Variants in ARHGEF3 observed in about 807,000 individuals in gnomAD.
ARHGEF3 encodes Rho guanine nucleotide exchange factor 3, also known as 59.8 kDA protein.
A neutral mutation model predicts 63.2 loss-of-function variants in ARHGEF3; 28 were observed. The ratio of observed to expected loss-of-function variants is 0.44; its 90% CI spans 0.33 to 0.61. ARHGEF3 has a LOEUF of 0.61. Among genes scored for constraint, ARHGEF3 ranks in the 20% least tolerant of loss-of-function variants. ARHGEF3 has a pLI of 0.03. For missense variants in ARHGEF3, 533 were observed against 659.3 expected (o/e 0.81, Z 2.10); for synonymous variants, 266 against 254.2 (o/e 1.05, Z -0.44).
intron 1 of ARHGEF3, among the ~76,000 whole-genome samples, chr3:57,069,744 A>C (rs763663107): frequency 6.6e-6 from 1 of 152,194 alleles, no homozygotes; most frequent in Non-Finnish European, 1.5e-5. Flanking sequence ...AACGGGGCTC[A>C]AGCTATCCTC....
At chr3:57,074,169 G>A in intron 1 of ARHGEF3, 1 of 1,614,188 alleles carries the variant, frequency 6.2e-7, no homozygotes, top group Middle Eastern at 1.6e-4. Flanking sequence ...CAGTAGCACA[G>A]GGTGCAGCCG....
intron 4 of ARHGEF3, among the ~76,000 whole-genome samples, chr3:56,865,561 T>A (rs186038197): frequency 1.2e-3 from 188 of 152,356 alleles, no homozygotes; most frequent in African/African-American, 4.2e-3. Context: ...AATATGTTTT[T>A]AAAAGGTTTT....
chr3:56,728,856 A>C lies in ARHGEF3; in HGVS notation c.*414T>G, dbSNP rs1214164503. On this transcript the variant is annotated 3_prime_UTR_variant, in exon 10 of 10. Coordinates refer to ENST00000296315, the MANE Select transcript of ARHGEF3 (RefSeq NM_019555.3). ...ATGAGTTCCTCATGCCCTATTTACA[A>C]GGCCGTCTAAATTCCGTGCCTTTAG... is the stretch of plus-strand genomic sequence containing the variant. 5.6e-6 allele frequency: 1 copy of C among 179,686 alleles called. No homozygotes were observed. Among genetic ancestry groups the C allele is most frequent in the Non-Finnish European group, 1.2e-5 (1 of 83,542 alleles). 11.1% of individuals were successfully genotyped at this position (179,686 alleles called of 1,614,324 possible).
intron 1 of ARHGEF3, among the ~76,000 whole-genome samples, chr3:56,787,928 CA>C (rs2036905183): frequency 6.6e-6 from 1 of 152,174 alleles, no homozygotes; most frequent in South Asian, 2.1e-4. Flanking sequence ...ATTAACTCAG[CA>C]AGGCCTGGGT....
intron 2 of ARHGEF3, among the ~76,000 whole-genome samples, chr3:57,018,786 T>C (rs1001799991): frequency 5.3e-5 from 8 of 152,138 alleles, no homozygotes; most frequent in African/African-American, 1.9e-4. Context: ...ATCATCTCAT[T>C]AATCCCCACA....
intron 1 of ARHGEF3, among the ~76,000 whole-genome samples, chr3:57,065,946 T>C (rs980759462): frequency 1.3e-5 from 2 of 151,726 alleles, no homozygotes; most frequent in African/African-American, 4.8e-5. Flanking sequence ...CTGGGCACAG[T>C]AATTCACATC....
At chr3:56,828,179 T>C (rs1237299256) in intron 4 of ARHGEF3, among the ~76,000 whole-genome samples, 2 of 152,128 alleles carry the variant, frequency 1.3e-5, no homozygotes, top group Non-Finnish European at 2.9e-5. Flanking sequence ...GTGACTTGCT[T>C]ATCGTGGCAG....
chr3:56,961,709 C>T (rs574863658), intron 2 of ARHGEF3, among the ~76,000 whole-genome samples: 10 of 152,236 alleles, frequency 6.6e-5, no homozygotes, highest in African/African-American at 2.2e-4. Context: ...CATCCCACCA[C>T]CATTCAGGCT....
chr3:57,000,310 C>CCACACACACACACACACA (rs71076009), intron 2 of ARHGEF3, among the ~76,000 whole-genome samples: 7 of 139,264 alleles, frequency 5.0e-5, no homozygotes, highest in African/African-American at 8.2e-5. Flanking sequence ...AGGGTAACTC[C>CCACACACACACACACACA]CACACACACA....
chr3:56,927,389 C>T (rs1020751439), intron 3 of ARHGEF3, among the ~76,000 whole-genome samples: 1 of 152,160 alleles, frequency 6.6e-6, no homozygotes, highest in Non-Finnish European at 1.5e-5. Context: ...ATGGCTAGGG[C>T]ATTTCCAATA....
At chr3:56,802,025 G>A (rs942423890), upstream of ARHGEF3, 4 of 1,416,298 alleles carry the variant, frequency 2.8e-6, no homozygotes, top group East Asian at 1.1e-4. Flanking sequence ...CGCCGGCTCG[G>A]CACCGCCCCA....
chr3:57,002,609 A>C (rs1193265238), intron 2 of ARHGEF3, among the ~76,000 whole-genome samples: 5 of 144,136 alleles, frequency 3.5e-5, no homozygotes, highest in African/African-American at 1.0e-4. Context: ...ATATACTTTG[A>C]GTTCAGGGGT....
intron 4 of ARHGEF3, among the ~76,000 whole-genome samples, chr3:56,842,757 T>C (rs949427995): frequency 3.9e-5 from 6 of 152,144 alleles, no homozygotes; most frequent in Admixed American, 3.9e-4. Context: ...CCTAGGGTGG[T>C]CATAGCTGAT....
chr3:56,936,039 A>C (rs1451096340), intron 3 of ARHGEF3, among the ~76,000 whole-genome samples: 2 of 152,184 alleles, frequency 1.3e-5, no homozygotes, highest in Non-Finnish European at 2.9e-5. Flanking sequence ...AAGCCCTTTT[A>C]AGAGCTAGCC....
At chr3:56,901,319 A>G (rs540504556) in intron 3 of ARHGEF3, among the ~76,000 whole-genome samples, 37 of 152,280 alleles carry the variant, frequency 2.4e-4, no homozygotes, top group African/African-American at 5.3e-4. Context: ...CAAAAATGCA[A>G]GAGATTAGAA....
At chr3:56,795,156 T>C (rs1241781256) in intron 1 of ARHGEF3, among the ~76,000 whole-genome samples, 1 of 152,116 alleles carries the variant, frequency 6.6e-6, no homozygotes, top group Admixed American at 6.5e-5. Context: ...TTTTGACCAA[T>C]GGTTGGTTGA....
At chr3:57,031,137 G>T (rs1156489467) in intron 2 of ARHGEF3, among the ~76,000 whole-genome samples, 1 of 152,164 alleles carries the variant, frequency 6.6e-6, no homozygotes. Context: ...AGAAATATTA[G>T]TAAGTACCTA....
chr3:56,964,090 G>A (rs1008713676), intron 2 of ARHGEF3, among the ~76,000 whole-genome samples: 3 of 152,110 alleles, frequency 2.0e-5, no homozygotes, highest in Non-Finnish European at 4.4e-5. Flanking sequence ...GGTGGCTCAC[G>A]CCTGTAATCC....
At chr3:56,829,158 T>G (rs1372543415) in intron 4 of ARHGEF3, among the ~76,000 whole-genome samples, 4 of 152,116 alleles carry the variant, frequency 2.6e-5, no homozygotes, top group African/African-American at 9.7e-5. Flanking sequence ...ACTCCTGACC[T>G]CAAGTGATCT....
Sources: gnomAD v4.1 joint callset for allele counts (sites outside exome capture counted in the v4.1 genomes callset) on GRCh38, gnomAD v4.1.1 for gene constraint, MANE v1.5 for transcripts, NCBI Gene and HGNC (gene_info 2026-07-23, HGNC 2026-07-21) for gene names.